Variants in CNTNAP2 observed in about 807,000 individuals in gnomAD.
CNTNAP2 encodes the protein contactin-associated protein-like 2.
Under a neutral mutation model 155.2 loss-of-function variants are expected in CNTNAP2, and 98 were observed. The observed-to-expected ratio is 0.63, with a 90% confidence interval of 0.54 to 0.75. The LOEUF is 0.75. Among genes scored for constraint, CNTNAP2 ranks in the 30% least tolerant of loss-of-function variants. The probability of loss-of-function intolerance (pLI) is 0.00; values close to 1 mark genes in which losing one functional copy is unlikely to be tolerated. For synonymous variants in CNTNAP2, 651 were observed against 631.2 expected, an observed-to-expected ratio of 1.03 and a Z score of -0.47; for missense variants, 1,727 against 1,688.1, an observed-to-expected ratio of 1.02 and a Z score of -0.40.
At chr7:148,134,500 C>T (rs942820099) in intron 16 of CNTNAP2, among the ~76,000 whole-genome samples, 1 of 151,934 alleles carries the variant, frequency 6.6e-6, no homozygotes, top group Non-Finnish European at 1.5e-5. Flanking sequence ...ATATCTTGTT[C>T]AAAATTATTT....
At chr7:146,725,647 A>G (rs1032505831) in intron 1 of CNTNAP2, among the ~76,000 whole-genome samples, 5 of 152,188 alleles carry the variant, frequency 3.3e-5, no homozygotes, top group Non-Finnish European at 4.4e-5. Context: ...GTAGAACCAA[A>G]GATTGGCCTT....
chr7:146,302,089 T>G (rs1054156152), intron 1 of CNTNAP2, among the ~76,000 whole-genome samples: 1 of 152,176 alleles, frequency 6.6e-6, no homozygotes, highest in African/African-American at 2.4e-5. Flanking sequence ...TGGATAATTT[T>G]TAGTGTACAG....
chr7:146,744,913 A>T (rs1002472676), intron 1 of CNTNAP2, among the ~76,000 whole-genome samples: 12 of 152,194 alleles, frequency 7.9e-5, no homozygotes, highest in African/African-American at 2.9e-4. Flanking sequence ...TATATCCTCT[A>T]AGTAGAATAT....
At chr7:147,658,702 G>T (rs548179719) in intron 13 of CNTNAP2, among the ~76,000 whole-genome samples, 23 of 152,196 alleles carry the variant, frequency 1.5e-4, no homozygotes, top group African/African-American at 5.5e-4. Context: ...CAAGTTCAGG[G>T]TAACAGGTCA....
At chr7:146,451,140 G>T (rs1480882934) in intron 1 of CNTNAP2, among the ~76,000 whole-genome samples, 1 of 152,030 alleles carries the variant, frequency 6.6e-6, no homozygotes, top group South Asian at 2.1e-4. Context: ...TACAGACGGG[G>T]TTTCACCGTG....
At chr7:146,269,091 C>T (rs1408309930) in intron 1 of CNTNAP2, among the ~76,000 whole-genome samples, 1 of 152,120 alleles carries the variant, frequency 6.6e-6, no homozygotes, top group Non-Finnish European at 1.5e-5. Flanking sequence ...CCTGTAATCC[C>T]AGAACTTTGG....
At chr7:148,298,551 C>T (rs1563031192) in intron 21 of CNTNAP2, among the ~76,000 whole-genome samples, 3 of 152,114 alleles carry the variant, frequency 2.0e-5, no homozygotes, top group Admixed American at 6.5e-5. Context: ...TCCCAGCCCA[C>T]TGACTCAAAT....
At chr7:148,144,905 C>T (rs1805146703) in intron 16 of CNTNAP2, among the ~76,000 whole-genome samples, 1 of 152,092 alleles carries the variant, frequency 6.6e-6, no homozygotes, top group Non-Finnish European at 1.5e-5. Context: ...ATGTCAGTTG[C>T]TCTCACCCAG....
intron 20 of CNTNAP2, among the ~76,000 whole-genome samples, chr7:148,240,740 T>TA (rs1796129412): frequency 6.6e-6 from 1 of 152,124 alleles, no homozygotes; most frequent in Non-Finnish European, 1.5e-5. Context: ...GTCAGATTCC[T>TA]AAAACCTCAA....
chr7:146,221,401 A>G lies in CNTNAP2; in HGVS notation c.97+104428A>G, dbSNP rs1195903262. 2.0e-5 allele frequency among the ~76,000 whole-genome samples: 3 copies of G among 152,178 alleles called. 1 individual carries two copies. Among genetic ancestry groups the G allele is most frequent in the Non-Finnish European group, 4.4e-5 (3 of 68,038 alleles). ...AAATATACTTATATTTAAACAATAT[A>G]TATTGCAACAATAGATACTGAAGGA... On this transcript the variant is annotated intron_variant, in intron 1 of 23. Transcript: ENST00000361727.
chr7:147,054,542 C>G (rs1309266074), intron 4 of CNTNAP2, among the ~76,000 whole-genome samples: 1 of 151,954 alleles, frequency 6.6e-6, no homozygotes. Context: ...ACTTATAATC[C>G]GTTTAATGTA....
intron 15 of CNTNAP2, among the ~76,000 whole-genome samples, chr7:147,978,753 G>A (rs556032417): frequency 3.9e-5 from 6 of 152,216 alleles, no homozygotes; most frequent in Non-Finnish European, 7.4e-5. Flanking sequence ...TCTGGGACAC[G>A]TGGTTTAGGC....
intron 17 of CNTNAP2, among the ~76,000 whole-genome samples, chr7:148,161,986 C>G (rs1398178460): frequency 6.6e-6 from 1 of 152,178 alleles, no homozygotes; most frequent in Non-Finnish European, 1.5e-5. Context: ...CCTCACGGAT[C>G]CATCCCAGGC....
intron 14 of CNTNAP2, among the ~76,000 whole-genome samples, chr7:147,964,419 C>T (rs1405787327): frequency 6.6e-6 from 1 of 152,128 alleles, no homozygotes; most frequent in Non-Finnish European, 1.5e-5. Context: ...ACTCAATCCT[C>T]CACGGATTTG....
intron 1 of CNTNAP2, among the ~76,000 whole-genome samples, chr7:146,663,277 C>CAAAAAAAAAAAAA (rs543257224): frequency 6.0e-5 from 2 of 33,226 alleles, no homozygotes; most frequent in African/African-American, 1.5e-4. Context: ...AACTCCATCT[C>CAAAAAAAAAAAAA]AAAAAAAAAA....
At chr7:146,990,851 T>C (rs1038548202) in intron 3 of CNTNAP2, among the ~76,000 whole-genome samples, 1 of 151,990 alleles carries the variant, frequency 6.6e-6, no homozygotes, top group Non-Finnish European at 1.5e-5. Flanking sequence ...CACCACACAG[T>C]TTTAAGAAGG....
At position 148,158,222 on chromosome 7, in the gene CNTNAP2, C is replaced by CTTTTT. The variant is rs1224617335; in HGVS notation, c.2773+10528_2773+10532dup. On this transcript the variant is annotated intron_variant, in intron 17 of 23. Transcript: ENST00000361727. Reference sequence around the variant, plus strand: ...AGTGATGATAGGTACAATGTTTGCGCTTTTTTTTTTTTTTTTTTTGAGACA... The same window carrying CTTTTT: ...AGTGATGATAGGTACAATGTTTGCGCTTTTTTTTTTTTTTTTTTTTTTTTGAGACA... 3.5e-4 allele frequency among the ~76,000 whole-genome samples: 33 copies of CTTTTT among 94,752 alleles called. 6 individuals carry two copies. The highest frequency in any genetic ancestry group is 1.3e-3 in the African/African-American group (26 of 20,120). 62.2% of individuals were successfully genotyped at this position (94,752 alleles called of 152,430 possible). A position where few individuals can be genotyped will look rare whatever the true frequency, so the allele number is the denominator to read the frequency against.
At chr7:146,285,699 CCCT>C (rs1486527988) in intron 1 of CNTNAP2, among the ~76,000 whole-genome samples, 4 of 53,788 alleles carry the variant, frequency 7.4e-5, no homozygotes, top group Admixed American at 1.8e-4. Flanking sequence ...CCTTCCCCTC[CCCT>C]CCCCTCCCCT....
At chr7:146,293,123 A>T (rs1800458379) in intron 1 of CNTNAP2, among the ~76,000 whole-genome samples, 1 of 152,192 alleles carries the variant, frequency 6.6e-6, no homozygotes, top group Admixed American at 6.5e-5. Flanking sequence ...TACAGCTATA[A>T]TTTATCAATT....
Sources: gnomAD v4.1 joint callset for allele counts (sites outside exome capture counted in the v4.1 genomes callset) on GRCh38, gnomAD v4.1.1 for gene constraint, MANE v1.5 for transcripts, NCBI Gene and HGNC (gene_info 2026-07-23, HGNC 2026-07-21) for gene names.